TTLL11: variants seen among roughly 807,000 people sequenced by gnomAD.
TTLL11 encodes the protein tubulin tyrosine ligase like 11.
A neutral mutation model predicts 51.7 loss-of-function variants in TTLL11; 42 were observed. The ratio of observed to expected loss-of-function variants is 0.81; its 90% confidence interval spans 0.64 to 1.05. TTLL11 has a LOEUF of 1.05. Among genes scored for constraint, TTLL11 ranks in the 50% least tolerant of loss-of-function variants. The pLI is 0.00. For synonymous variants in TTLL11, 381 were observed against 383.5 expected (o/e 0.99, Z 0.08); for missense variants, 799 against 940.4 (o/e 0.85, Z 1.97).
chr9:122,034,466 T>G (rs1184338914), intron 2 of TTLL11, among the ~76,000 whole-genome samples: 3 of 152,242 alleles, frequency 2.0e-5, no homozygotes, highest in Admixed American at 2.0e-4. Context: ...ACTTCCTGCC[T>G]GCAGGCCGGA....
intron 1 of TTLL11, among the ~76,000 whole-genome samples, chr9:122,057,498 G>A (rs759449292): frequency 5.3e-5 from 8 of 151,782 alleles, no homozygotes; most frequent in East Asian, 1.9e-4. Flanking sequence ...GCTAATTTTC[G>A]TTATTTTTGG....
intron 6 of TTLL11, among the ~76,000 whole-genome samples, chr9:121,966,626 G>A (rs567912135): frequency 2.6e-5 from 4 of 152,310 alleles, no homozygotes; most frequent in Admixed American, 6.5e-5. Context: ...GAAATTTTCC[G>A]TTGATTATTC....
intron 6 of TTLL11, among the ~76,000 whole-genome samples, 172 bp downstream of exon 6, chr9:121,973,837 C>G (rs1376326325): frequency 6.6e-6 from 1 of 152,154 alleles, no homozygotes; most frequent in Non-Finnish European, 1.5e-5. Flanking sequence ...GGATTTGAGT[C>G]ACTGATTGCT....
chr9:121,909,531 C>G (rs1840041859), intron 6 of TTLL11, among the ~76,000 whole-genome samples: 2 of 152,296 alleles, frequency 1.3e-5, no homozygotes, highest in South Asian at 2.1e-4. Flanking sequence ...CCACCTGACC[C>G]CTTTTTCCAA....
rs1318174305 is a variant in TTLL11, at chr9:121,989,187, A to G, written c.1269+8T>C. 1.1e-5 allele frequency: 18 copies of G among 1,612,704 alleles called. No individual in the cohort carries two copies. Among genetic ancestry groups the G allele is most frequent in the Non-Finnish European group, 1.5e-5 (18 of 1,179,054 alleles). ...TGGAAACGCAGGCTGGGAACTGGCA[A>G]TGGTTACCTGGAAGCACGTGGGGCC... On this transcript the variant is annotated splice_region_variant and intron_variant, in intron 4 of 8. Coordinates refer to ENST00000321582, the MANE Select transcript of TTLL11 (RefSeq NM_001139442.2). The surrounding 1 kb of genome is among the most constrained non-coding windows in gnomAD (Gnocchi z 4.2).
At chr9:121,997,309 G>C (rs919228296) in intron 3 of TTLL11, among the ~76,000 whole-genome samples, 1 of 152,116 alleles carries the variant, frequency 6.6e-6, no homozygotes, top group Non-Finnish European at 1.5e-5. Flanking sequence ...CTAACTGCTG[G>C]AGCTGAGGGG....
chr9:121,974,966 T>C lies in TTLL11; in HGVS notation c.1283A>G (p.Asp428Gly), dbSNP rs1257286606. 1.3e-6 allele frequency: 2 copies of C among 1,541,340 alleles called. No homozygotes were observed. The highest frequency in any genetic ancestry group is 1.4e-5 in the African/African-American group (1 of 72,256). ...GPTCFQILGFDILLMKNLKPI... is the reference protein window; with the variant it reads ...GPTCFQILGFGILLMKNLKPI... ...CTTCAGATTTTTCATTAGAAGAATGTCAAAGCCTAAAATCTGGGCAGGATA... is the reference window on the plus strand; with the variant it reads ...CTTCAGATTTTTCATTAGAAGAATGCCAAAGCCTAAAATCTGGGCAGGATA... The change falls in exon 5 of 9, where the codon GAC (aspartate) becomes GGC (glycine). Residue 428 changes from aspartate to glycine, a missense_variant. Around this residue, in one of 3 missense-constraint regions of TTLL11, gnomAD observed 468 missense variants for 612.8 expected, o/e 0.76. Coordinates refer to ENST00000321582, the MANE Select transcript of TTLL11 (RefSeq NM_001139442.2).
intron 1 of TTLL11, among the ~76,000 whole-genome samples, chr9:122,057,320 TC>T (rs1187989835): frequency 1.5e-5 from 2 of 134,384 alleles, no homozygotes; most frequent in East Asian, 2.0e-4. Flanking sequence ...CAAGCTCAAA[TC>T]CTTTTTTTTT....
At chr9:121,840,587 G>T (rs900823757) in intron 8 of TTLL11, among the ~76,000 whole-genome samples, 5 of 152,184 alleles carry the variant, frequency 3.3e-5, no homozygotes, top group Admixed American at 2.0e-4. Context: ...GTAGAGATGG[G>T]GTTTCACCAT....
intron 3 of TTLL11, among the ~76,000 whole-genome samples, chr9:121,998,163 A>G (rs1033593169): frequency 6.6e-6 from 1 of 152,228 alleles, no homozygotes; most frequent in Admixed American, 6.5e-5. Context: ...GGTTATAGTC[A>G]CAGGCGCTTC....
At position 122,072,581 on chromosome 9, in the gene TTLL11, T is replaced by C. The variant is rs12344560; in HGVS notation, c.462+20106A>G. Among the ~76,000 whole-genome samples the C allele has an allele frequency of 5.2e-3, 796 of 152,058 alleles. 24 individuals are homozygous for C. Among genetic ancestry groups the C allele is most frequent in the Admixed American group, 0.044 (671 of 15,282 alleles). On this transcript the variant is annotated intron_variant, in intron 1 of 8. Coordinates refer to ENST00000321582, the MANE Select transcript of TTLL11 (RefSeq NM_001139442.2). The stretch of plus-strand genomic sequence containing the variant: ...ATTGCTTGAACCCGGGAAGTGGAGG[T>C]TTCAGTGAGCTGAGATCGTGCCACT...
intron 3 of TTLL11, among the ~76,000 whole-genome samples, chr9:121,992,408 A>G (rs1446217219): frequency 6.6e-6 from 1 of 152,236 alleles, no homozygotes; most frequent in Admixed American, 6.5e-5. Flanking sequence ...GAATGAAAAT[A>G]TCATCGATAT....
intron 1 of TTLL11, among the ~76,000 whole-genome samples, chr9:122,083,639 G>A (rs541720456): frequency 2.0e-5 from 3 of 152,094 alleles, no homozygotes; most frequent in South Asian, 4.2e-4. Flanking sequence ...GTGAAACCCC[G>A]TCTCTACTAA....
Position 122,002,944 on chromosome 9 carries a change from C to CAAAAAA in TTLL11, c.694-13180_694-13175dup, listed in dbSNP as rs547408355. ...CTGGCAACAGAGTGAGACTCTGTCT[C>CAAAAAA]AAAAAAAAAAAAAAAAAAAAGAGAT... On this transcript the variant is annotated intron_variant, in intron 3 of 8. Transcript: ENST00000321582. Among the ~76,000 whole-genome samples the CAAAAAA allele has an allele frequency of 2.2e-3, 134 of 61,224 alleles. 9 individuals carry two copies. Among genetic ancestry groups the CAAAAAA allele is most frequent in the African/African-American group, 0.01 (123 of 11,886 alleles). 40.2% of individuals were successfully genotyped at this position (61,224 alleles called of 152,430 possible). A position where few individuals can be genotyped will look rare whatever the true frequency, so the allele number is the denominator to read the frequency against.
chr9:121,818,043 A>C lies in TTLL11; in HGVS notation c.*4544T>G, dbSNP rs1005115078. Reference sequence around the variant, plus strand: ...CCACTCCATTCCCCTGACTACCTACATGCACATCCGGAGGACCTGCTGGGA... The same window carrying C: ...CCACTCCATTCCCCTGACTACCTACCTGCACATCCGGAGGACCTGCTGGGA... On this transcript the variant is annotated 3_prime_UTR_variant, in exon 9 of 9. Coordinates refer to ENST00000321582, the MANE Select transcript of TTLL11 (RefSeq NM_001139442.2). 1.4e-4 allele frequency: 21 copies of C among 152,306 alleles called. No individual in the cohort carries two copies. The highest frequency in any genetic ancestry group is 5.1e-4 in the African/African-American group (21 of 41,440). The allele number at this position is 152,306 out of a possible 1,614,324, so 9.4% of individuals were successfully genotyped here.
intron 6 of TTLL11, among the ~76,000 whole-genome samples, chr9:121,953,869 G>C (rs1349909621): frequency 6.6e-6 from 1 of 152,072 alleles, no homozygotes; most frequent in African/African-American, 2.4e-5. Flanking sequence ...ACCTGTTGCT[G>C]GAGTTCTATC....
chr9:121,912,860 T>C (rs1177208946), intron 6 of TTLL11, among the ~76,000 whole-genome samples: 1 of 151,746 alleles, frequency 6.6e-6, no homozygotes, highest in African/African-American at 2.4e-5. Flanking sequence ...ATTTTACGTA[T>C]GAGGAACATG....
chr9:121,833,345 C>T (rs1223436838), intron 8 of TTLL11, among the ~76,000 whole-genome samples: 1 of 152,138 alleles, frequency 6.6e-6, no homozygotes, highest in Non-Finnish European at 1.5e-5. Flanking sequence ...GAGGATGGCC[C>T]ACCAGCTCCT....
At chr9:122,003,015 G>A (rs1030652107) in intron 3 of TTLL11, among the ~76,000 whole-genome samples, 64 of 149,182 alleles carry the variant, frequency 4.3e-4, no homozygotes, top group Non-Finnish European at 6.7e-4. Context: ...ACATTGGAAA[G>A]TCCACCCAGC....
Sources: gnomAD v4.1 joint callset for allele counts (sites outside exome capture counted in the v4.1 genomes callset) on GRCh38, gnomAD v4.1.1 for gene constraint, gnomAD v4.1.1 regional missense constraint, Gnocchi (gnomAD v3.1) non-coding constraint, MANE v1.5 for transcripts, NCBI Gene and HGNC (gene_info 2026-07-23, HGNC 2026-07-21) for gene names.